The following GALNTL6 variants were observed in gnomAD, a reference collection of about 807,000 sequenced individuals.
GALNTL6 encodes the protein polypeptide N-acetylgalactosaminyltransferase like 6.
A neutral mutation model predicts 73.7 loss-of-function variants in GALNTL6; 46 were observed. The ratio of observed to expected loss-of-function variants is 0.62; its 90% confidence interval spans 0.49 to 0.80. The LOEUF is 0.80. GALNTL6 is among the 30% of genes least tolerant of loss of function. GALNTL6 has a pLI of 0.00. For synonymous variants in GALNTL6, 259 were observed against 263.7 expected, an observed-to-expected ratio of 0.98 and a Z score of 0.17; for missense variants, 604 against 755.0, an observed-to-expected ratio of 0.80 and a Z score of 2.34.
chr4:172,624,164 C>A (rs7671314), intron 5 of GALNTL6, among the ~76,000 whole-genome samples: 55,336 of 151,922 alleles, frequency 0.36, 11,160 homozygotes, highest in African/African-American at 0.52. Flanking sequence ...ACTCTTCTAG[C>A]TTAAGCAAAA....
At chr4:172,070,950 TA>T in intron 2 of GALNTL6, among the ~76,000 whole-genome samples, 1 of 109,184 alleles carries the variant, frequency 9.2e-6, no homozygotes, top group South Asian at 2.6e-4. Context: ...AATACTAATA[TA>T]AAAAATACTA....
chr4:172,685,984 A>G (rs1732894426), intron 5 of GALNTL6, among the ~76,000 whole-genome samples: 1 of 152,220 alleles, frequency 6.6e-6, no homozygotes, highest in Admixed American at 6.5e-5. Flanking sequence ...GTTTCACCAA[A>G]GAGATTACTT....
chr4:172,128,618 T>C (rs1579165556), intron 2 of GALNTL6, among the ~76,000 whole-genome samples: 1 of 152,242 alleles, frequency 6.6e-6, no homozygotes, highest in Non-Finnish European at 1.5e-5. Context: ...AATTATTTTA[T>C]CTTTTTTCCT....
chr4:172,905,095 G>A (rs191754923), intron 8 of GALNTL6, among the ~76,000 whole-genome samples: 2 of 152,178 alleles, frequency 1.3e-5, no homozygotes, highest in Admixed American at 1.3e-4. Context: ...AAAAGTAACG[G>A]GTTAGCACTT....
At chr4:172,357,675 C>CTT (rs1561043618) in intron 5 of GALNTL6, among the ~76,000 whole-genome samples, 1 of 149,912 alleles carries the variant, frequency 6.7e-6, no homozygotes, top group Non-Finnish European at 1.5e-5. Flanking sequence ...ACACGGAATT[C>CTT]ATATATATAT....
chr4:171,923,418 G>T lies in GALNTL6; in HGVS notation c.138+108700G>T, dbSNP rs866188077. On this transcript the variant is annotated intron_variant, in intron 2 of 12. Coordinates refer to ENST00000506823, the MANE Select transcript of GALNTL6 (RefSeq NM_001034845.3). The stretch of plus-strand genomic sequence containing the variant: ...ACTTTGTTTTTTTTTTTTTTTTTGA[G>T]ACGGAGTCTCGCTTTGTCACCCAGG... Among the ~76,000 whole-genome samples the T allele has an allele frequency of 5.3e-5, 6 of 113,492 alleles. No individual in the cohort carries two copies. The South Asian group carries it at 7.9e-4, about 15-fold the overall frequency. 74.5% of individuals were successfully genotyped at this position (113,492 alleles called of 152,430 possible).
intron 5 of GALNTL6, among the ~76,000 whole-genome samples, chr4:172,622,202 G>A (rs1005032926): frequency 6.6e-6 from 1 of 152,018 alleles, no homozygotes; most frequent in Non-Finnish European, 1.5e-5. Flanking sequence ...CCTGTTAATA[G>A]GAACTCAAGA....
At chr4:171,948,983 A>G (rs1738785797) in intron 2 of GALNTL6, among the ~76,000 whole-genome samples, 1 of 152,034 alleles carries the variant, frequency 6.6e-6, no homozygotes, top group South Asian at 2.1e-4. Context: ...ACACACACAC[A>G]CACAGACATA....
At chr4:172,415,266 T>G (rs1460608799) in intron 5 of GALNTL6, among the ~76,000 whole-genome samples, 1 of 152,226 alleles carries the variant, frequency 6.6e-6, no homozygotes, top group African/African-American at 2.4e-5. Flanking sequence ...GAAATTTTAT[T>G]AGAGTCTTTA....
chr4:172,921,832 T>G (rs1747807059), intron 8 of GALNTL6, among the ~76,000 whole-genome samples: 1 of 151,830 alleles, frequency 6.6e-6, no homozygotes, highest in South Asian at 2.1e-4. Context: ...ATGCATGTAT[T>G]CATTCACAGG....
rs528857822 is a variant in GALNTL6 at position 171,836,367 on chromosome 4, C to T, written c.138+21649C>T. ...TTTGGGGGCAACAATGACCGTTAAA[C>T]AGTTGCTCAAGGCCAAGTCAGTATA... On this transcript the variant is annotated intron_variant, in intron 2 of 12. Transcript: ENST00000506823. Among the ~76,000 whole-genome samples, 13 of 152,104 alleles carry T rather than the reference C, an allele frequency of 8.5e-5. No individual in the cohort carries two copies. The South Asian group carries it at 2.7e-3, about 32-fold the overall frequency.
chr4:172,413,413 C>CA (rs1233165159), intron 5 of GALNTL6, among the ~76,000 whole-genome samples: 1 of 152,134 alleles, frequency 6.6e-6, no homozygotes, highest in Non-Finnish European at 1.5e-5. Flanking sequence ...TTGGGTCTAG[C>CA]AATGCATAAT....
At chr4:171,979,114 A>T (rs1300472045) in intron 2 of GALNTL6, among the ~76,000 whole-genome samples, 1 of 152,182 alleles carries the variant, frequency 6.6e-6, no homozygotes, top group Non-Finnish European at 1.5e-5. Flanking sequence ...AGACATAAAT[A>T]TAAGAGTATC....
rs921311172 is a variant in GALNTL6 at position 173,031,134 on chromosome 4, C to T, written c.1639-8799C>T. On this transcript the variant is annotated intron_variant, in intron 12 of 12. Transcript: ENST00000506823. ...TGGGCAACTTTCTTACTATGAATTT[C>T]TGTTTCTTCATTTATAAAATGGGAA... 4.9e-4 allele frequency among the ~76,000 whole-genome samples: 74 copies of T among 152,222 alleles called. 1 individual carries two copies. Among genetic ancestry groups the T allele is most frequent in the African/African-American group, 1.7e-3 (69 of 41,532 alleles).
chr4:171,871,738 A>T (rs1162603019), intron 2 of GALNTL6, among the ~76,000 whole-genome samples: 2 of 152,232 alleles, frequency 1.3e-5, no homozygotes, highest in Non-Finnish European at 2.9e-5. Flanking sequence ...TTTAACTCAG[A>T]TCACTCAAAT....
intron 2 of GALNTL6, among the ~76,000 whole-genome samples, chr4:172,217,604 C>T (rs1414419936): frequency 6.6e-6 from 1 of 152,130 alleles, no homozygotes; most frequent in African/African-American, 2.4e-5. Flanking sequence ...GAATTTCTAG[C>T]ATTTCCTTTT....
At chr4:172,081,968 C>T (rs1731894549) in intron 2 of GALNTL6, among the ~76,000 whole-genome samples, 1 of 151,716 alleles carries the variant, frequency 6.6e-6, no homozygotes, top group South Asian at 2.1e-4. Flanking sequence ...TCTCTGCCTC[C>T]CAGGCTCAAG....
At chr4:171,977,531 T>C (rs1372160198) in intron 2 of GALNTL6, among the ~76,000 whole-genome samples, 1 of 152,150 alleles carries the variant, frequency 6.6e-6, no homozygotes, top group Non-Finnish European at 1.5e-5. Context: ...TTTCCTTCTG[T>C]ATGTGTCTGT....
intron 2 of GALNTL6, among the ~76,000 whole-genome samples, chr4:172,057,724 A>T (rs1473436313): frequency 3.5e-4 from 25 of 70,626 alleles, no homozygotes; most frequent in Non-Finnish European, 2.9e-4. Flanking sequence ...AAAAAAAAAA[A>T]AAAATATATA....
Sources: allele counts gnomAD v4.1 joint callset (sites outside exome capture counted in the v4.1 genomes callset), GRCh38; gene constraint gnomAD v4.1.1; transcripts MANE v1.5; gene names NCBI Gene and HGNC (gene_info 2026-07-23, HGNC 2026-07-21).